KCNMA1: variants seen among roughly 807,000 people sequenced by gnomAD.
KCNMA1 encodes Calcium-activated potassium channel subunit alpha-1.
KCNMA1 carries 29 observed loss-of-function variants against 140.0 expected under a neutral mutation model. That is an observed-to-expected ratio of 0.21 (90% CI 0.15 to 0.28). The LOEUF is 0.28. Ranked by LOEUF, KCNMA1 falls within the 10% of genes least tolerant of loss-of-function variation. KCNMA1 has a pLI of 1.00. For synonymous variants in KCNMA1, 612 were observed against 611.9 expected (o/e 1.00, Z 0.00); for missense variants, 880 against 1,602.2 (o/e 0.55, Z 7.70).
intron 2 of KCNMA1, among the ~76,000 whole-genome samples, chr10:77,263,423 C>A (rs1321115836): frequency 6.6e-6 from 1 of 152,026 alleles, no homozygotes; most frequent in African/African-American, 2.4e-5. Flanking sequence ...ATCCTATAAC[C>A]ACTTTACAAA....
chr10:77,207,616 T>C (rs1371732008), intron 3 of KCNMA1, among the ~76,000 whole-genome samples: 1 of 152,176 alleles, frequency 6.6e-6, no homozygotes, highest in Non-Finnish European at 1.5e-5. Context: ...CCTGACCTAT[T>C]GAACATCTGG....
intron 3 of KCNMA1, among the ~76,000 whole-genome samples, chr10:77,235,211 AT>A (rs1197111513): frequency 1.3e-5 from 2 of 152,174 alleles, no homozygotes; most frequent in East Asian, 3.9e-4. Context: ...ATCCAAGTTA[AT>A]TTGATTGCAC....
intron 1 of KCNMA1, among the ~76,000 whole-genome samples, chr10:77,522,766 C>T (rs1040090475): frequency 7.2e-5 from 11 of 152,184 alleles, no homozygotes; most frequent in African/African-American, 2.7e-4. Context: ...GGTCTTGGGG[C>T]AACCAATGGT....
chr10:76,995,528 C>A (rs986777585), intron 19 of KCNMA1: 2 of 470,882 alleles, frequency 4.2e-6, no homozygotes, highest in African/African-American at 4.0e-5. Flanking sequence ...CAAGGCAGAG[C>A]CTTGACAAGA....
intron 5 of KCNMA1, among the ~76,000 whole-genome samples, chr10:77,126,281 C>A (rs2097730767): frequency 6.6e-6 from 1 of 152,136 alleles, no homozygotes; most frequent in African/African-American, 2.4e-5. Flanking sequence ...GAGAGTTTTA[C>A]AAGTGAGATT....
At chr10:77,009,828 CT>C (rs1418446815) in intron 18 of KCNMA1, among the ~76,000 whole-genome samples, 1 of 152,184 alleles carries the variant, frequency 6.6e-6, no homozygotes, top group Non-Finnish European at 1.5e-5. Flanking sequence ...ACCTTCCAAG[CT>C]ATAAAGTAGC....
intron 17 of KCNMA1, among the ~76,000 whole-genome samples, chr10:77,015,143 C>T (rs1219938161): frequency 6.6e-6 from 1 of 152,142 alleles, no homozygotes; most frequent in Non-Finnish European, 1.5e-5. Flanking sequence ...ATCATCAGAC[C>T]AGCTTTGTGT....
chr10:77,539,858 T>C (rs1192268300), intron 1 of KCNMA1, among the ~76,000 whole-genome samples: 1 of 152,184 alleles, frequency 6.6e-6, no homozygotes, highest in African/African-American at 2.4e-5. Context: ...CAGTTGCAGC[T>C]ACCTGATGGT....
intron 2 of KCNMA1, among the ~76,000 whole-genome samples, chr10:77,284,811 A>G (rs2070145918): frequency 6.6e-6 from 1 of 151,814 alleles, no homozygotes; most frequent in Non-Finnish European, 1.5e-5. Context: ...ACCGCGCCCA[A>G]CGAGACTCTG....
At chr10:77,473,682 G>A (rs2154529286) in intron 1 of KCNMA1, among the ~76,000 whole-genome samples, 1 of 152,280 alleles carries the variant, frequency 6.6e-6, no homozygotes, top group Middle Eastern at 3.4e-3. Context: ...GGGTGGGCCA[G>A]TGCGACCTTT....
At chr10:77,195,556 C>A (rs1027655345) in intron 3 of KCNMA1, among the ~76,000 whole-genome samples, 1 of 152,128 alleles carries the variant, frequency 6.6e-6, no homozygotes, top group African/African-American at 2.4e-5. Context: ...TCTCCTGGAA[C>A]ATTTCTTTTC....
At chr10:76,898,858 TA>T (rs572262728) in intron 25 of KCNMA1, among the ~76,000 whole-genome samples, 2 of 151,588 alleles carry the variant, frequency 1.3e-5, no homozygotes, top group Admixed American at 6.6e-5. Flanking sequence ...ATTCTTTTTT[TA>T]AAAAAAAGCA....
At chr10:77,174,417 A>C (rs2098735419) in intron 5 of KCNMA1, among the ~76,000 whole-genome samples, 2 of 152,186 alleles carry the variant, frequency 1.3e-5, no homozygotes, top group Admixed American at 1.3e-4. Flanking sequence ...GCTGTCACAG[A>C]CTCATTCTAG....
At chr10:77,502,518 A>C (rs1293785585) in intron 1 of KCNMA1, among the ~76,000 whole-genome samples, 2 of 152,172 alleles carry the variant, frequency 1.3e-5, no homozygotes. Flanking sequence ...CTCTAGAGAA[A>C]TCAGAGCTCA....
chr10:76,929,627 G>A (rs2058749413), intron 23 of KCNMA1, among the ~76,000 whole-genome samples: 1 of 152,204 alleles, frequency 6.6e-6, no homozygotes, highest in South Asian at 2.1e-4. Context: ...ATCAGAGATG[G>A]TTTCCTTGAG....
intron 20 of KCNMA1, among the ~76,000 whole-genome samples, chr10:76,961,609 G>A (rs1380827986): frequency 6.6e-6 from 1 of 152,172 alleles, no homozygotes; most frequent in Non-Finnish European, 1.5e-5. Context: ...GAAATCTTTT[G>A]TCAAAGGAAG....
chr10:77,345,624 A>G (rs997014403), intron 2 of KCNMA1, among the ~76,000 whole-genome samples: 4 of 152,166 alleles, frequency 2.6e-5, no homozygotes, highest in Non-Finnish European at 5.9e-5. Flanking sequence ...TTCCTAATTA[A>G]TTGGCTCTAA....
intron 2 of KCNMA1, among the ~76,000 whole-genome samples, chr10:77,389,342 C>T (rs1291899949): frequency 6.6e-6 from 1 of 152,186 alleles, no homozygotes; most frequent in African/African-American, 2.4e-5. Context: ...GGGCCTCCGG[C>T]AGTCATTATT....
chr10:77,414,955 C>T (rs572579353), intron 1 of KCNMA1, among the ~76,000 whole-genome samples: 87 of 152,306 alleles, frequency 5.7e-4, no homozygotes, highest in Non-Finnish European at 1.1e-3. Flanking sequence ...TGTGCAAGAA[C>T]AGAGATGGAA....
Sources: allele counts gnomAD v4.1 joint callset (sites outside exome capture counted in the v4.1 genomes callset), GRCh38; gene constraint gnomAD v4.1.1; transcripts MANE v1.5; gene names NCBI Gene and HGNC (gene_info 2026-07-23, HGNC 2026-07-21).